Variants in FAM135A observed in about 807,000 individuals in gnomAD.
FAM135A encodes the protein protein FAM135A.
In FAM135A, 79 loss-of-function variants were observed where a neutral mutation model predicts 146.8. That is an observed-to-expected ratio of 0.54 (90% confidence interval 0.45 to 0.65). The LOEUF is 0.65. FAM135A is among the 30% of genes least tolerant of loss of function. FAM135A has a pLI of 0.00. For missense variants in FAM135A, 1,623 were observed against 1,758.2 expected, an observed-to-expected ratio of 0.92 and a Z score of 1.38; for synonymous variants, 562 against 603.6, an observed-to-expected ratio of 0.93 and a Z score of 1.01.
intron 12 of FAM135A, among the ~76,000 whole-genome samples, chr6:70,513,555 T>A (rs369041143): frequency 1.3e-5 from 2 of 152,076 alleles, no homozygotes. Context: ...TCAATTTCTC[T>A]AAAACCTGCT....
At chr6:70,507,432 G>A (rs1439698985) in intron 12 of FAM135A, among the ~76,000 whole-genome samples, 1 of 152,118 alleles carries the variant, frequency 6.6e-6, no homozygotes, top group Non-Finnish European at 1.5e-5. Context: ...TATATAGGCT[G>A]TCTGATAACG....
At chr6:70,420,781 T>A (rs1309131431) in intron 2 of FAM135A, among the ~76,000 whole-genome samples, 8 of 152,192 alleles carry the variant, frequency 5.3e-5, no homozygotes, top group African/African-American at 1.4e-4. Context: ...GTGATAAATA[T>A]TTTAAAAACA....
At position 70,453,969 on chromosome 6, in the gene FAM135A, A is replaced by T. The variant is rs184353826; in HGVS notation, c.157+1398A>T. On this transcript the variant is annotated intron_variant, in intron 5 of 21. Transcript: ENST00000418814. ...GGTCAAACGATATTTCTAGTTCTAG[A>T]TCCTTGAGGAATCACCACAGTGTCT... Among the ~76,000 whole-genome samples, 6 of 152,290 alleles carry T rather than the reference A, an allele frequency of 3.9e-5. No homozygotes were observed. In the East Asian group the frequency reaches 7.7e-4, roughly 20 times the overall value.
intron 11 of FAM135A, 97 bp downstream of exon 11, chr6:70,491,180 G>T (rs1376880718): frequency 1.8e-5 from 18 of 999,648 alleles, no homozygotes; most frequent in South Asian, 1.4e-4. Flanking sequence ...AGTATTTATA[G>T]TTCCTAAAAT....
At chr6:70,542,429 TTC>T (rs1281808842) in intron 20 of FAM135A, among the ~76,000 whole-genome samples, 1 of 152,008 alleles carries the variant, frequency 6.6e-6, no homozygotes, top group Non-Finnish European at 1.5e-5. Context: ...TCAGAACTAA[TTC>T]TGTTTACCTT....
chr6:70,482,208 TTATA>T (rs1783852013), intron 10 of FAM135A, 54 bp downstream of exon 10: 1 of 1,545,732 alleles, frequency 6.5e-7, no homozygotes, highest in Non-Finnish European at 8.8e-7. Flanking sequence ...CTCTTCAGTC[TTATA>T]TTGCTAGCTA....
At chr6:70,550,252 G>A (rs528758703) in intron 20 of FAM135A, among the ~76,000 whole-genome samples, 3 of 152,252 alleles carry the variant, frequency 2.0e-5, no homozygotes, top group South Asian at 2.1e-4. Context: ...GTTCTTAATG[G>A]CATCTGTAAT....
At chr6:70,418,328 T>A (rs1767997514) in intron 2 of FAM135A, 1 of 152,088 alleles carries the variant, frequency 6.6e-6, no homozygotes, top group South Asian at 2.1e-4. Flanking sequence ...ATTTATTTGT[T>A]TATTTATTTA....
At chr6:70,413,980 T>G (rs375949336) in intron 1 of FAM135A, 1 of 985,726 alleles carries the variant, frequency 1.0e-6, no homozygotes, top group East Asian at 1.1e-4. Context: ...CGCGCGTCCC[T>G]CGACCCGTTC....
intron 2 of FAM135A, among the ~76,000 whole-genome samples, chr6:70,422,155 G>C (rs1471086640): frequency 6.6e-6 from 1 of 152,148 alleles, no homozygotes; most frequent in Non-Finnish European, 1.5e-5. Flanking sequence ...TAAAATTAAG[G>C]AGATTTCACC....
chr6:70,463,408 A>C lies in FAM135A; in HGVS notation c.157+10837A>C, dbSNP rs1366025189. Among the ~76,000 whole-genome samples the C allele has an allele frequency of 1.6e-4, 23 of 144,482 alleles. 1 individual carries two copies. The highest frequency in any genetic ancestry group is 1.3e-4 in the Non-Finnish European group (9 of 66,760). 94.8% of individuals were successfully genotyped at this position (144,482 alleles called of 152,430 possible). A position where few individuals can be genotyped will look rare whatever the true frequency, so the allele number is the denominator to read the frequency against. On this transcript the variant is annotated intron_variant, in intron 5 of 21. Transcript: ENST00000418814. ...TGGGACTACAGGCGCATGCCACCAC[A>C]CTGGCCTAATTAAAAAAAAAAAAAA...
chr6:70,502,419 G>T (rs1177530152), intron 11 of FAM135A, among the ~76,000 whole-genome samples: 3 of 151,054 alleles, frequency 2.0e-5, no homozygotes, highest in Non-Finnish European at 4.4e-5. Flanking sequence ...TTGAAATATT[G>T]GTTAAGTTGT....
chr6:70,450,251 C>T (rs1776731640), intron 4 of FAM135A, among the ~76,000 whole-genome samples: 1 of 151,854 alleles, frequency 6.6e-6, no homozygotes. Context: ...TTCTTTTGCT[C>T]TTCAGAAGCT....
chr6:70,524,546 A>G lies in FAM135A; in HGVS notation c.1462A>G (p.Asn488Asp). 7 of 1,550,056 alleles carry G rather than the reference A, an allele frequency of 4.5e-6. No individual in the cohort carries two copies. Among genetic ancestry groups the G allele is most frequent in the Non-Finnish European group, 6.1e-6 (7 of 1,146,496 alleles). Residue 488 changes from asparagine to aspartate, a missense_variant, in exon 15 of 22, where the codon AAT becomes GAT. This residue lies in a region of FAM135A where 1,061 missense variants were observed against 1,113.8 expected (regional missense o/e 0.95). Transcript: ENST00000418814. ...TCTAAAAGGAAAGAATGAAGAATCA[A>G]ATAAATCCAAAGTTAAGGTTACTAA... is the stretch of plus-strand genomic sequence containing the variant. ...KSLKGKNEES[N>D]KSKVKVTKLM... is the part of the protein sequence containing the mutation.
rs71538422 is a variant in FAM135A at position 70,526,766 on chromosome 6, T to TACACACACAC, written c.3614+96_3614+105dup. 1.7e-3 allele frequency: 751 copies of TACACACACAC among 452,642 alleles called. 1 individual carries two copies. The highest frequency in any genetic ancestry group is 0.016 in the African/African-American group (625 of 40,248). The allele number at this position is 452,642 out of a possible 1,614,324, so 28.0% of individuals were successfully genotyped here. ...ATATATATATACACACACACACACA[T>TACACACACAC]ACACACACACACACACACACACACA... On this transcript the variant is annotated intron_variant, in intron 15 of 21. Coordinates refer to ENST00000418814, the MANE Select transcript of FAM135A (RefSeq NM_001162529.3).
intron 11 of FAM135A, among the ~76,000 whole-genome samples, chr6:70,495,190 C>A (rs1018841006): frequency 3.9e-5 from 6 of 152,128 alleles, no homozygotes; most frequent in Non-Finnish European, 5.9e-5. Flanking sequence ...ATTCCAGCTT[C>A]TGGTATTTAT....
At chr6:70,479,320 T>C (rs2128172719) in intron 8 of FAM135A, among the ~76,000 whole-genome samples, 1 of 152,304 alleles carries the variant, frequency 6.6e-6, no homozygotes, top group South Asian at 2.1e-4. Flanking sequence ...AAGGGGCAGC[T>C]CATCTCCTAG....
At chr6:70,466,319 C>A (rs1357539719) in intron 5 of FAM135A, among the ~76,000 whole-genome samples, 1 of 152,068 alleles carries the variant, frequency 6.6e-6, no homozygotes, top group African/African-American at 2.4e-5. Flanking sequence ...TTGTGTTATT[C>A]TTTTGCTTTC....
At chr6:70,547,087 A>G (rs1798990232) in intron 20 of FAM135A, among the ~76,000 whole-genome samples, 1 of 152,190 alleles carries the variant, frequency 6.6e-6, no homozygotes, top group African/African-American at 2.4e-5. Context: ...TTATTTTAAG[A>G]TCTTCCTAAA....
Sources: gnomAD v4.1 joint callset for allele counts (sites outside exome capture counted in the v4.1 genomes callset) on GRCh38, gnomAD v4.1.1 for gene constraint, gnomAD v4.1.1 regional missense constraint, MANE v1.5 for transcripts, NCBI Gene and HGNC (gene_info 2026-07-23, HGNC 2026-07-21) for gene names.